The following EHMT1 variants were observed in gnomAD, a reference collection of about 807,000 sequenced individuals.
The protein encoded by EHMT1 is euchromatic histone lysine methyltransferase 1, also known as histone-lysine N-methyltransferase EHMT1.
A neutral mutation model predicts 147.2 loss-of-function variants in EHMT1; 15 were observed. That is an observed-to-expected ratio of 0.10 (90% confidence interval 0.07 to 0.16). The LOEUF (loss-of-function observed/expected upper bound fraction) is 0.16, where lower values mean the gene tolerates loss of function less well. EHMT1 is among the 10% of genes least tolerant of loss of function. The pLI, the probability that EHMT1 is intolerant of heterozygous loss-of-function variation, is 1.00. For missense variants in EHMT1, 1,587 were observed against 1,772.4 expected, an observed-to-expected ratio of 0.90 and a Z score of 1.88; for synonymous variants, 795 against 709.6, an observed-to-expected ratio of 1.12 and a Z score of -1.91.
rs397720797 is a variant in EHMT1, at chr9:137,648,491, C to CAAAAAA, written c.21+29455_21+29460dup. ...GCAACATAGAGAGACTCCTTCTCTC[C>CAAAAAA]AAAAAAAAAAAAAAAAAATAGTTGG... On this transcript the variant is annotated intron_variant, in intron 1 of 26. Coordinates refer to ENST00000460843, the MANE Select transcript of EHMT1 (RefSeq NM_024757.5). 4.1e-3 allele frequency among the ~76,000 whole-genome samples: 387 copies of CAAAAAA among 93,670 alleles called. 5 individuals carry two copies. Among genetic ancestry groups the CAAAAAA allele is most frequent in the African/African-American group, 0.013 (351 of 26,220 alleles). 61.5% of individuals were successfully genotyped at this position (93,670 alleles called of 152,430 possible). A position where few individuals can be genotyped will look rare whatever the true frequency, so the allele number is the denominator to read the frequency against.
At chr9:137,773,441 T>C (rs1164054026) in intron 10 of EHMT1, among the ~76,000 whole-genome samples, 4 of 151,766 alleles carry the variant, frequency 2.6e-5, no homozygotes, top group Admixed American at 2.6e-4. Context: ...GTGATTCTAA[T>C]GCAGCCTCAT....
Position 137,708,228 on chromosome 9 carries a change from T to G in EHMT1, c.22-2739T>G, listed in dbSNP as rs566042384. 1.1e-4 allele frequency among the ~76,000 whole-genome samples: 17 copies of G among 152,356 alleles called. No individual in the cohort carries two copies. The South Asian group carries it at 3.5e-3, about 32-fold the overall frequency. On this transcript the variant is annotated intron_variant, in intron 1 of 26. Transcript: ENST00000460843. ...GGCTAATCGAAGAGTCAGCTGGATT[T>G]GCAGATTGGCTTCTGCACCCAGCCT...
chr9:137,799,018 C>T (rs900384390), intron 17 of EHMT1, 104 bp downstream of exon 17: 8 of 938,882 alleles, frequency 8.5e-6, no homozygotes, highest in Non-Finnish European at 1.3e-5. Flanking sequence ...GGCGTCCCCT[C>T]CCACGCACAG....
chr9:137,738,233 CA>C (rs1366242498), intron 4 of EHMT1, among the ~76,000 whole-genome samples: 1 of 151,286 alleles, frequency 6.6e-6, no homozygotes, highest in Non-Finnish European at 1.5e-5. Flanking sequence ...AAAAAAAACC[CA>C]AAAAAGGCAA....
At position 137,778,028 on chromosome 9, in the gene EHMT1, G is replaced by C; in HGVS notation, c.2165G>C (p.Ser722Thr). 6.2e-7 allele frequency: 1 copy of C among 1,613,904 alleles called. No homozygotes were observed. Reference sequence around the variant, plus strand: ...GGACCAGGGAAGGAAACCTTGGAGAGCGCTCTCATCGCCCTCGACTCGGAA... The same window carrying C: ...GGACCAGGGAAGGAAACCTTGGAGACCGCTCTCATCGCCCTCGACTCGGAA... Reference protein sequence around the residue: ...SQGPGKETLESALIALDSEKP... With the variant: ...SQGPGKETLETALIALDSEKP... Residue 722 changes from serine (S) to threonine (T), a missense_variant, in exon 13 of 27, where the codon AGC becomes ACC. This residue lies in a region of EHMT1 where 201 missense variants were observed against 350.1 expected (regional missense o/e 0.57). Coordinates refer to ENST00000460843, the MANE Select transcript of EHMT1 (RefSeq NM_024757.5).
intron 10 of EHMT1, among the ~76,000 whole-genome samples, chr9:137,768,341 C>CTG (rs1452794687): frequency 2.3e-5 from 3 of 129,212 alleles, no homozygotes; most frequent in Admixed American, 8.3e-5. Flanking sequence ...TCTTCATTTT[C>CTG]TGTGTGTTTT....
intron 25 of EHMT1, 84 bp downstream of exon 25, chr9:137,818,222 C>G (rs568315032): frequency 2.2e-4 from 310 of 1,416,914 alleles, no homozygotes; most frequent in Non-Finnish European, 2.6e-4. Context: ...GGCTGGGATT[C>G]AGAAGAGAGC....
intron 1 of EHMT1, among the ~76,000 whole-genome samples, chr9:137,669,111 T>C (rs1389860888): frequency 1.3e-5 from 2 of 152,170 alleles, no homozygotes; most frequent in Non-Finnish European, 2.9e-5. Context: ...CGTCTTGAAC[T>C]CCTGATCTCA....
rs193047204 is a variant in EHMT1 at position 137,776,914 on chromosome 9, G to T, written c.2018+70G>T. 1.2e-4 allele frequency: 169 copies of T among 1,427,908 alleles called. No individual in the cohort carries two copies. In the African/African-American group the frequency reaches 1.9e-3, roughly 16 times the overall value. 88.5% of individuals were successfully genotyped at this position (1,427,908 alleles called of 1,614,324 possible). ...AAAAAGTTTCAGTTGTTAACTCAAC[G>T]TTATTGCTTCCTGCTGTTTTTTCCA... On this transcript the variant is annotated intron_variant, in intron 12 of 26. Transcript: ENST00000460843. The surrounding 1 kb of genome is among the most constrained non-coding windows in gnomAD (Gnocchi z 4.4).
chr9:137,668,768 A>G (rs920299867), intron 1 of EHMT1, among the ~76,000 whole-genome samples: 12 of 151,760 alleles, frequency 7.9e-5, no homozygotes, highest in African/African-American at 2.9e-4. Flanking sequence ...CAGTGCTGCC[A>G]TGAACATTCA....
intron 1 of EHMT1, among the ~76,000 whole-genome samples, chr9:137,686,998 G>C (rs1360447552): frequency 6.6e-6 from 1 of 152,128 alleles, no homozygotes; most frequent in Non-Finnish European, 1.5e-5. Context: ...CAAAGTGCTG[G>C]AATTACAGGC....
Position 137,777,926 on chromosome 9 carries a change from C to A in EHMT1, c.2063C>A (p.Ala688Glu). The change falls in exon 13 of 27, where the codon GCA (alanine) becomes GAA (glutamate). Residue 688 changes from alanine (A) to glutamate (E), a missense_variant. Ala to Glu is a moderately radical substitution (Grantham distance 107). This residue lies in a region of EHMT1 where 77 missense variants were observed against 79.3 expected (regional missense o/e 0.97). Transcript: ENST00000460843. Reference sequence around the variant, plus strand: ...TCGGAGGACGACAAGCTGCAGGGTGCAGCCTCCCACGTGCCCGAGGGCTTT... The same window carrying A: ...TCGGAGGACGACAAGCTGCAGGGTGAAGCCTCCCACGTGCCCGAGGGCTTT... ...PLSEDDKLQG[A>E]ASHVPEGFDP... 1.2e-6 allele frequency: 2 copies of A among 1,613,778 alleles called. No individual in the cohort carries two copies. Among genetic ancestry groups the A allele is most frequent in the East Asian group, 4.5e-5 (2 of 44,878 alleles).
In EHMT1 at chr9:137,814,056, GCCCCCCCCCCCCCCCGC is replaced by G. The variant is rs1011152265; in HGVS notation, c.3181-369_3181-353del. Among the ~76,000 whole-genome samples the G allele has an allele frequency of 4.0e-4, 20 of 50,062 alleles. 1 individual carries two copies. Among genetic ancestry groups the G allele is most frequent in the Admixed American group, 8.3e-4 (4 of 4,804 alleles). The allele number at this position is 50,062 out of a possible 152,430, so 32.8% of individuals were successfully genotyped here. A position where few individuals can be genotyped will look rare whatever the true frequency, so the allele number is the denominator to read the frequency against. ...TCTTCCCAGGCCGGGCACTGCCCAG[GCCCCCCCCCCCCCCCGC>G]CCCCCGCCCCACAAGGTGTGTCAGG... On this transcript the variant is annotated intron_variant, in intron 21 of 26. Transcript: ENST00000460843.
intron 6 of EHMT1, 93 bp downstream of exon 6, chr9:137,744,183 C>G: frequency 7.4e-7 from 1 of 1,357,118 alleles, no homozygotes; most frequent in Non-Finnish European, 1.0e-6. Context: ...ACTTCTAGAC[C>G]CTGATAAAAT....
At chr9:137,771,665 TGGGGTCTTACCGAGGAGACCGGGGTGGC>T (rs1950592774) in intron 10 of EHMT1, among the ~76,000 whole-genome samples, 2 of 138,478 alleles carry the variant, frequency 1.4e-5, no homozygotes, top group African/African-American at 7.0e-5. Context: ...ATGGGGGTGC[TGGGGTCTTACCGAGGAGACCGGGGTGGC>T]GGGGCGTTTT....
chr9:137,717,427 A>T (rs1945442451), intron 3 of EHMT1, among the ~76,000 whole-genome samples: 1 of 151,700 alleles, frequency 6.6e-6, no homozygotes, highest in Admixed American at 6.6e-5. Context: ...GCGTGGCGAA[A>T]CTCAAATGCA....
Position 137,778,608 on chromosome 9 carries a change from G to A in EHMT1, c.2192+553G>A, listed in dbSNP as rs181612369. On this transcript the variant is annotated intron_variant, in intron 13 of 26. Coordinates refer to ENST00000460843, the MANE Select transcript of EHMT1 (RefSeq NM_024757.5). ...CCTCTGAGCCTGCTCTTGAAGCGAC[G>A]GTACCATCTGCTGACGCCAACAGGC... 5.5e-4 allele frequency among the ~76,000 whole-genome samples: 83 copies of A among 152,218 alleles called. 1 individual carries two copies. Among genetic ancestry groups the A allele is most frequent in the Admixed American group, 1.3e-3 (20 of 15,300 alleles).
rs1588581251 is a variant in EHMT1 at position 137,762,786 on chromosome 9, A to G, written c.1613A>G (p.Asn538Ser). ...KSREITTLAN[N>S]QCMATESVDH... ...CGAGAGATCACCACACTGGCCAACA[A>G]CCAGTGCATGGCTACAGAGAGCGTG... The change falls in exon 10 of 27, where the codon AAC becomes AGC. Residue 538 changes from asparagine to serine, a missense_variant. Transcript: ENST00000460843. 6.2e-6 allele frequency: 10 copies of G among 1,614,258 alleles called. No individual in the cohort carries two copies. Among genetic ancestry groups the G allele is most frequent in the Non-Finnish European group, 7.6e-6 (9 of 1,180,038 alleles).
chr9:137,710,923 C>G (rs1231750246), intron 1 of EHMT1, 44 bp from the exon 2 acceptor site: 1 of 1,563,864 alleles, frequency 6.4e-7, no homozygotes, highest in South Asian at 1.2e-5. Flanking sequence ...GGAAAAGCGG[C>G]CTCCCACTGA....
Sources: gnomAD v4.1 joint callset for allele counts (sites outside exome capture counted in the v4.1 genomes callset) on GRCh38, gnomAD v4.1.1 for gene constraint, gnomAD v4.1.1 regional missense constraint, Gnocchi (gnomAD v3.1) non-coding constraint, MANE v1.5 for transcripts, NCBI Gene and HGNC (gene_info 2026-07-23, HGNC 2026-07-21) for gene names.